CDH12: variants seen among roughly 807,000 people sequenced by gnomAD.
CDH12 encodes the protein cadherin 12.
Under a neutral mutation model 74.1 loss-of-function variants are expected in CDH12, and 41 were observed. That is an observed-to-expected ratio of 0.55 (90% confidence interval 0.43 to 0.72). The LOEUF is 0.72. Among genes scored for constraint, CDH12 ranks in the 30% least tolerant of loss-of-function variants. The pLI is 0.00. For missense variants in CDH12, 945 were observed against 977.2 expected (o/e 0.97, Z 0.44); for synonymous variants, 399 against 355.0 (o/e 1.12, Z -1.39).
At chr5:22,818,876 C>CTG (rs1282724098) in intron 1 of CDH12, among the ~76,000 whole-genome samples, 1 of 152,048 alleles carries the variant, frequency 6.6e-6, no homozygotes, top group Non-Finnish European at 1.5e-5. Flanking sequence ...TATGCATACT[C>CTG]TGTCAACTGG....
chr5:21,935,117 CCTT>C (rs1471011983), intron 6 of CDH12, among the ~76,000 whole-genome samples: 5 of 152,076 alleles, frequency 3.3e-5, no homozygotes, highest in Non-Finnish European at 5.9e-5. Flanking sequence ...TCTCTCCTCT[CCTT>C]CTTTTGCTGC....
intron 1 of CDH12, among the ~76,000 whole-genome samples, chr5:22,613,605 G>A (rs925073060): frequency 1.3e-5 from 2 of 152,030 alleles, no homozygotes; most frequent in Non-Finnish European, 1.5e-5. Context: ...ACATCTTTAC[G>A]TGCTGTTTCC....
intron 3 of CDH12, among the ~76,000 whole-genome samples, chr5:22,296,696 T>G (rs2150416678): frequency 6.6e-6 from 1 of 152,336 alleles, no homozygotes; most frequent in Non-Finnish European, 1.5e-5. Context: ...AATTGAGTTT[T>G]ATTAATTGAG....
intron 1 of CDH12, among the ~76,000 whole-genome samples, chr5:22,820,072 T>G (rs1299135754): frequency 6.8e-6 from 1 of 146,258 alleles, no homozygotes; most frequent in East Asian, 2.0e-4. Context: ...TAAAAGGCAG[T>G]GGGTTTAATA....
At chr5:22,074,490 G>T (rs189548152) in intron 5 of CDH12, among the ~76,000 whole-genome samples, 3 of 152,050 alleles carry the variant, frequency 2.0e-5, no homozygotes, top group African/African-American at 7.2e-5. Flanking sequence ...AAGAGCTTCC[G>T]CACAGCAAAA....
intron 1 of CDH12, among the ~76,000 whole-genome samples, chr5:22,703,593 A>T (rs1742832213): frequency 6.6e-6 from 1 of 152,174 alleles, no homozygotes; most frequent in Admixed American, 6.6e-5. Flanking sequence ...TTAACTCCAC[A>T]TAATAGTTCA....
intron 6 of CDH12, among the ~76,000 whole-genome samples, chr5:21,863,773 T>G (rs1751177285): frequency 6.6e-6 from 1 of 152,182 alleles, no homozygotes; most frequent in Non-Finnish European, 1.5e-5. Flanking sequence ...GCAAGAAGAC[T>G]TAGCCAATTT....
At chr5:22,204,262 G>A (rs1326617562) in intron 4 of CDH12, among the ~76,000 whole-genome samples, 1 of 150,840 alleles carries the variant, frequency 6.6e-6, no homozygotes. Context: ...CGGGGTTCAC[G>A]CCATTCTCCT....
At chr5:21,991,978 T>C (rs1757775040) in intron 5 of CDH12, among the ~76,000 whole-genome samples, 1 of 152,038 alleles carries the variant, frequency 6.6e-6, no homozygotes, top group Admixed American at 6.6e-5. Context: ...CCCCATAGTG[T>C]GAAAATGAGT....
intron 6 of CDH12, among the ~76,000 whole-genome samples, chr5:21,875,580 G>GAAT (rs1278839898): frequency 4.0e-3 from 8 of 2,002 alleles, no homozygotes; most frequent in African/African-American, 6.8e-3. Flanking sequence ...TTTCAAAGCA[G>GAAT]TGCCAATTAC....
chr5:22,448,075 C>T (rs1448014012), intron 2 of CDH12, among the ~76,000 whole-genome samples: 2 of 148,670 alleles, frequency 1.3e-5, no homozygotes, highest in Non-Finnish European at 3.0e-5. Flanking sequence ...ATTGCTTGAG[C>T]CCAAGAGGCG....
At chr5:22,744,385 C>A (rs975047279) in intron 1 of CDH12, among the ~76,000 whole-genome samples, 2 of 151,712 alleles carry the variant, frequency 1.3e-5, no homozygotes, top group Non-Finnish European at 2.9e-5. Context: ...GCTGAGATTG[C>A]GCCACTGCAC....
At chr5:22,676,550 G>A (rs1300015154) in intron 1 of CDH12, among the ~76,000 whole-genome samples, 1 of 152,156 alleles carries the variant, frequency 6.6e-6, no homozygotes, top group East Asian at 1.9e-4. Flanking sequence ...GAGGATTCTG[G>A]TCAGACACAT....
rs111917501 is a variant in CDH12, at chr5:22,251,867, T to A, written c.-332-39224A>T. Among the ~76,000 whole-genome samples, 1,021 of 147,012 alleles carry A rather than the reference T, an allele frequency of 6.9e-3. 14 individuals are homozygous for A. In the South Asian group the frequency reaches 0.08, roughly 11 times the overall value. ...ACATTGTCCAAGTAGCAGAAAAAAA[T>A]ATAGATGTATTTTCTTGTGATTAAG... On this transcript the variant is annotated intron_variant, in intron 3 of 14. Transcript: ENST00000382254.
At chr5:22,049,755 A>C (rs1330459228) in intron 5 of CDH12, among the ~76,000 whole-genome samples, 1 of 152,042 alleles carries the variant, frequency 6.6e-6, no homozygotes, top group Non-Finnish European at 1.5e-5. Flanking sequence ...TATCATGGCT[A>C]TTTCTTTTTC....
chr5:21,842,411 G>A, intron 7 of CDH12, 83 bp from the exon 8 acceptor site: 1 of 961,084 alleles, frequency 1.0e-6, no homozygotes, highest in Non-Finnish European at 1.5e-6. Context: ...ACAACAACAT[G>A]ATTCTACCTA....
intron 6 of CDH12, among the ~76,000 whole-genome samples, chr5:21,880,575 CCTT>C (rs1752226070): frequency 5.6e-5 from 2 of 35,416 alleles, no homozygotes; most frequent in African/African-American, 2.4e-4. Context: ...TTCTTTCTTT[CCTT>C]CCTTCCTTCC....
At chr5:21,782,494 C>A (rs912156313) in intron 11 of CDH12, among the ~76,000 whole-genome samples, 17 of 152,094 alleles carry the variant, frequency 1.1e-4, no homozygotes, top group Admixed American at 6.6e-4. Context: ...CACAGCTATT[C>A]CCTGCATGGA....
intron 6 of CDH12, among the ~76,000 whole-genome samples, chr5:21,888,613 A>G (rs1473196822): frequency 6.6e-6 from 1 of 152,038 alleles, no homozygotes; most frequent in African/African-American, 2.4e-5. Flanking sequence ...AAGAAGTAAC[A>G]TATCTTCATA....
Sources: gnomAD v4.1 joint callset for allele counts (sites outside exome capture counted in the v4.1 genomes callset) on GRCh38, gnomAD v4.1.1 for gene constraint, MANE v1.5 for transcripts, NCBI Gene and HGNC (gene_info 2026-07-23, HGNC 2026-07-21) for gene names.